The following PLD5 variants were observed in gnomAD, a reference collection of about 807,000 sequenced individuals.
The protein encoded by PLD5 is phospholipase D family member 5, also known as inactive phospholipase D5.
Under a neutral mutation model 61.1 loss-of-function variants are expected in PLD5, and 36 were observed. The observed-to-expected ratio is 0.59, with a 90% CI of 0.45 to 0.78. The LOEUF (loss-of-function observed/expected upper bound fraction) is 0.78, where lower values mean the gene tolerates loss of function less well. Ranked by LOEUF, PLD5 falls within the 30% of genes least tolerant of loss-of-function variation. The probability of loss-of-function intolerance (pLI) is 0.00; values close to 1 mark genes in which losing one functional copy is unlikely to be tolerated. For missense variants in PLD5, 515 were observed against 644.4 expected (o/e 0.80, Z 2.17); for synonymous variants, 243 against 242.8 (o/e 1.00, Z -0.01).
At chr1:242,514,551 T>C (rs1383684186) in intron 1 of PLD5, among the ~76,000 whole-genome samples, 3 of 151,836 alleles carry the variant, frequency 2.0e-5, no homozygotes, top group Non-Finnish European at 4.4e-5. Flanking sequence ...TGTTTACCCA[T>C]GTAACAAACC....
At chr1:242,095,311 C>G (rs1027139115) in intron 9 of PLD5, among the ~76,000 whole-genome samples, 18 of 152,186 alleles carry the variant, frequency 1.2e-4, no homozygotes, top group Admixed American at 9.8e-4. Context: ...TGGCTTACTG[C>G]AGCCTCTGTC....
chr1:242,263,855 A>G (rs1050506675), intron 4 of PLD5, among the ~76,000 whole-genome samples: 1 of 152,250 alleles, frequency 6.6e-6, no homozygotes, highest in Admixed American at 6.5e-5. Context: ...AGTAGCAAAT[A>G]TTCAGCAACT....
chr1:242,430,563 T>A (rs538475197), intron 1 of PLD5, among the ~76,000 whole-genome samples: 1 of 152,180 alleles, frequency 6.6e-6, no homozygotes, highest in Non-Finnish European at 1.5e-5. Flanking sequence ...GAAATGAGCA[T>A]GAATAGCTCA....
At chr1:242,090,248 AGCTCC>A in intron 9 of PLD5, 138 bp from the exon 10 acceptor site, 1 of 1,138,342 alleles carries the variant, frequency 8.8e-7, no homozygotes, top group Non-Finnish European at 1.2e-6. Context: ...TTGTGTTGAC[AGCTCC>A]GAAAAAAAAA....
chr1:242,107,761 G>A lies in PLD5; in HGVS notation c.1149C>T (p.Ser383=), dbSNP rs1028445447. 6.2e-7 allele frequency: 1 copy of A among 1,612,852 alleles called. No homozygotes were observed. Among genetic ancestry groups the A allele is most frequent in the Non-Finnish European group, 8.5e-7 (1 of 1,179,706 alleles). The part of the protein sequence containing the change: ...LRSVRVRLLL[S]FWKETDPLTF... Reference sequence around the variant, plus strand: ...TAAGGGGATCAGTTTCCTTCCAGAAGCTTAAAAGGAGTCGAACTCTAACGC... The same window carrying A: ...TAAGGGGATCAGTTTCCTTCCAGAAACTTAAAAGGAGTCGAACTCTAACGC... Residue 383 remains serine (S), a synonymous_variant, in exon 8 of 10, where the codon AGC becomes AGT. Coordinates refer to ENST00000536534, the MANE Select transcript of PLD5 (RefSeq NM_001372062.1).
At chr1:242,323,530 C>T (rs12120110) in intron 2 of PLD5, among the ~76,000 whole-genome samples, 10,424 of 152,144 alleles carry the variant, frequency 0.069, 367 homozygotes, top group Middle Eastern at 0.099. Flanking sequence ...AGAGTGAATA[C>T]GCCTCTCTAA....
chr1:242,159,799 C>T (rs1665682146), intron 5 of PLD5, among the ~76,000 whole-genome samples: 1 of 152,116 alleles, frequency 6.6e-6, no homozygotes. Flanking sequence ...AGCTGCTATT[C>T]TTCAACCCCA....
intron 6 of PLD5, among the ~76,000 whole-genome samples, chr1:242,117,839 C>T (rs1407136333): frequency 6.6e-6 from 1 of 152,116 alleles, no homozygotes; most frequent in Non-Finnish European, 1.5e-5. Flanking sequence ...TTTTCCTATG[C>T]CATTAAAAAT....
intron 1 of PLD5, among the ~76,000 whole-genome samples, chr1:242,432,363 G>A (rs1299479522): frequency 6.6e-6 from 1 of 152,196 alleles, no homozygotes; most frequent in Admixed American, 6.5e-5. Context: ...GAGAAAACGA[G>A]CTTAGACAAG....
At chr1:242,476,109 C>T (rs1306910837) in intron 1 of PLD5, among the ~76,000 whole-genome samples, 4 of 152,218 alleles carry the variant, frequency 2.6e-5, no homozygotes, top group Non-Finnish European at 5.9e-5. Flanking sequence ...AATCCCAGTA[C>T]TTTGGGAGGC....
rs78362408 is a variant in PLD5, at chr1:242,092,280, C to T, written c.1355-2170G>A. ...TAGCTGTGAGTACAGGTGCAACCAC[C>T]GGAACCAGCTTCTACTTGGTATTTA... On this transcript the variant is annotated intron_variant, in intron 9 of 9. Coordinates refer to ENST00000536534, the MANE Select transcript of PLD5 (RefSeq NM_001372062.1). Among the ~76,000 whole-genome samples, 791 of 152,064 alleles carry T rather than the reference C, an allele frequency of 5.2e-3. 9 individuals carry two copies. Among genetic ancestry groups the T allele is most frequent in the East Asian group, 0.042 (219 of 5,178 alleles).
intron 1 of PLD5, among the ~76,000 whole-genome samples, chr1:242,434,780 A>C (rs1558563841): frequency 6.6e-6 from 1 of 151,898 alleles, no homozygotes. Context: ...CACCCAGCTA[A>C]TTTTTTGTAT....
At chr1:242,280,573 G>T (rs1383658470) in intron 3 of PLD5, among the ~76,000 whole-genome samples, 1 of 152,082 alleles carries the variant, frequency 6.6e-6, no homozygotes, top group Non-Finnish European at 1.5e-5. Context: ...GTGTTTTTAT[G>T]TTGCATCAGA....
At chr1:242,275,138 T>G (rs1674343573) in intron 3 of PLD5, among the ~76,000 whole-genome samples, 1 of 152,104 alleles carries the variant, frequency 6.6e-6, no homozygotes, top group Non-Finnish European at 1.5e-5. Context: ...ATATTAAACA[T>G]TTGATGCTAT....
intron 5 of PLD5, among the ~76,000 whole-genome samples, chr1:242,133,278 C>A (rs1163707724): frequency 6.6e-6 from 1 of 152,098 alleles, no homozygotes; most frequent in African/African-American, 2.4e-5. Flanking sequence ...AGGAGGCAAC[C>A]AATCAGACTG....
At chr1:242,116,034 G>A (rs1480764236) in intron 6 of PLD5, among the ~76,000 whole-genome samples, 3 of 150,578 alleles carry the variant, frequency 2.0e-5, no homozygotes, top group African/African-American at 2.5e-5. Flanking sequence ...TTTGACAAGC[G>A]ATACGCTGTG....
At chr1:242,273,388 T>C (rs978791418) in intron 3 of PLD5, among the ~76,000 whole-genome samples, 1 of 152,180 alleles carries the variant, frequency 6.6e-6, no homozygotes, top group Non-Finnish European at 1.5e-5. Flanking sequence ...AATATTTTTA[T>C]CAATAAAAAG....
At chr1:242,331,498 C>T (rs1169173372) in intron 2 of PLD5, among the ~76,000 whole-genome samples, 1 of 149,306 alleles carries the variant, frequency 6.7e-6, no homozygotes, top group Non-Finnish European at 1.5e-5. Flanking sequence ...CATGGAAATG[C>T]CAAAAAATAA....
intron 3 of PLD5, among the ~76,000 whole-genome samples, chr1:242,271,229 G>C (rs1453843182): frequency 3.5e-5 from 5 of 142,938 alleles, no homozygotes; most frequent in African/African-American, 8.2e-5. Flanking sequence ...GAGAGAGAGA[G>C]AGAGAGAGAG....
Sources: gnomAD v4.1 joint callset for allele counts (sites outside exome capture counted in the v4.1 genomes callset) on GRCh38, gnomAD v4.1.1 for gene constraint, MANE v1.5 for transcripts, NCBI Gene and HGNC (gene_info 2026-07-23, HGNC 2026-07-21) for gene names.